TRIP11: variants seen among roughly 807,000 people sequenced by gnomAD.
TRIP11 encodes the protein thyroid hormone receptor interactor 11.
Under a neutral mutation model 223.1 loss-of-function variants are expected in TRIP11, and 148 were observed. That is an observed-to-expected ratio of 0.66 (90% CI 0.58 to 0.76). TRIP11 has a LOEUF of 0.76. Among genes scored for constraint, TRIP11 ranks in the 30% least tolerant of loss-of-function variants. The probability of loss-of-function intolerance (pLI) is 0.00; values close to 1 mark genes in which losing one functional copy is unlikely to be tolerated. For missense variants in TRIP11, 2,043 were observed against 2,222.0 expected (o/e 0.92, Z 1.62); for synonymous variants, 762 against 772.6 (o/e 0.99, Z 0.23).
At position 91,999,370 on chromosome 14, in the gene TRIP11, G is replaced by A; in HGVS notation, c.4762C>T (p.Leu1588Phe). ...GTATAAGAATCTTCTGATTCTAAAAGATGATTACGCAATCTCTCTAGCTCT... is the reference window on the plus strand; with the variant it reads ...GTATAAGAATCTTCTGATTCTAAAAAATGATTACGCAATCTCTCTAGCTCT... ...NQELERLRNH[L>F]LESEDSYTRE... Residue 1588 changes from leucine to phenylalanine, a missense_variant, in exon 13 of 21, where the codon CTT (leucine) becomes TTT (phenylalanine). Transcript: ENST00000267622. 3 of 1,613,888 alleles carry A rather than the reference G, an allele frequency of 1.9e-6. No homozygotes were observed. Among genetic ancestry groups the A allele is most frequent in the Non-Finnish European group, 2.5e-6 (3 of 1,179,902 alleles).
intron 5 of TRIP11, among the ~76,000 whole-genome samples, chr14:92,016,856 GTAA>G (rs1416827695): frequency 6.6e-6 from 1 of 152,114 alleles, no homozygotes; most frequent in East Asian, 1.9e-4. Flanking sequence ...CTCTAGTATT[GTAA>G]TAATAATGAA....
chr14:92,027,528 C>A (rs966732728), intron 2 of TRIP11, among the ~76,000 whole-genome samples: 10 of 151,770 alleles, frequency 6.6e-5, no homozygotes, highest in African/African-American at 2.4e-4. Flanking sequence ...TGTTGTCCAA[C>A]AATAAACAGG....
At chr14:92,009,915 C>A (rs1334883545) in intron 9 of TRIP11, among the ~76,000 whole-genome samples, 1 of 152,160 alleles carries the variant, frequency 6.6e-6, no homozygotes, top group African/African-American at 2.4e-5. Context: ...GGCCAAGCCA[C>A]AGAGGTACAA....
intron 2 of TRIP11, among the ~76,000 whole-genome samples, chr14:92,031,538 C>T (rs746909099): frequency 1.5e-4 from 23 of 152,112 alleles, no homozygotes; most frequent in Admixed American, 1.1e-3. Flanking sequence ...GACTGTGCCA[C>T]TGTATTCCAG....
rs779004649 is a variant in TRIP11, at chr14:92,004,592, G to A, written c.3384C>T (p.Ala1128=). The A allele has an allele frequency of 2.2e-5, 36 of 1,613,812 alleles. No homozygotes were observed. Among genetic ancestry groups the A allele is most frequent in the Non-Finnish European group, 3.0e-5 (35 of 1,180,012 alleles). Reference sequence around the variant, plus strand: ...GCAGTTTGATAAGAGCTGCTTCCTTGGCAGCAACAATATCCATCATTTTGT... The same window carrying A: ...GCAGTTTGATAAGAGCTGCTTCCTTAGCAGCAACAATATCCATCATTTTGT... ...EYHKMMDIVA[A]KEAALIKLQD... Residue 1128 remains alanine (A), a synonymous_variant, in exon 11 of 21, where the codon GCC becomes GCT. Transcript: ENST00000267622.
intron 3 of TRIP11, 116 bp from the exon 4 acceptor site, chr14:92,021,947 G>T: frequency 8.8e-7 from 1 of 1,130,506 alleles, no homozygotes. Flanking sequence ...ATCCAATGAT[G>T]GTCCTCTATC....
intron 14 of TRIP11, among the ~76,000 whole-genome samples, chr14:91,994,462 T>A (rs918425406): frequency 5.9e-5 from 9 of 152,112 alleles, no homozygotes; most frequent in Non-Finnish European, 1.3e-4. Context: ...CAGGCTGGTC[T>A]TGAACTCCTG....
rs1276477392 is a variant in TRIP11 at position 91,972,656 on chromosome 14, C to A, written c.5719+61G>T. The A allele has an allele frequency of 2.6e-6, 4 of 1,523,220 alleles. No individual in the cohort carries two copies. The African/African-American group carries it at 5.5e-5, about 21-fold the overall frequency. 94.4% of individuals were successfully genotyped at this position (1,523,220 alleles called of 1,614,324 possible). A position where few individuals can be genotyped will look rare whatever the true frequency, so the allele number is the denominator to read the frequency against. ...AAATTTAGTTAATATCACTGTGAAACATAATCATACATTAAACATTCAATT... is the reference window on the plus strand; with the variant it reads ...AAATTTAGTTAATATCACTGTGAAAAATAATCATACATTAAACATTCAATT... On this transcript the variant is annotated intron_variant, in intron 20 of 20. Transcript: ENST00000267622.
At chr14:92,026,539 T>C in intron 2 of TRIP11, 1 of 1,236,112 alleles carries the variant, frequency 8.1e-7, no homozygotes, top group Non-Finnish European at 1.2e-6. Context: ...TTTAATCCCC[T>C]GCATCGGATC....
chr14:91,969,196 C>T lies in TRIP11; in HGVS notation c.*477G>A. ...AGCAACAATCTTGTTGGCCTGTCTC[C>T]ACAAAGTCCTCTAAAGATGATCAAT... On this transcript the variant is annotated 3_prime_UTR_variant, in exon 21 of 21. Coordinates refer to ENST00000267622, the MANE Select transcript of TRIP11 (RefSeq NM_004239.4). The T allele has an allele frequency of 4.0e-6, 1 of 249,504 alleles. No individual in the cohort carries two copies. Among genetic ancestry groups the T allele is most frequent in the Non-Finnish European group, 7.8e-6 (1 of 127,534 alleles). The allele number at this position is 249,504 out of a possible 1,614,324, so 15.5% of individuals were successfully genotyped here. A position where few individuals can be genotyped will look rare whatever the true frequency, so the allele number is the denominator to read the frequency against.
chr14:92,012,574 G>C (rs1022141575), intron 7 of TRIP11, among the ~76,000 whole-genome samples: 5 of 152,318 alleles, frequency 3.3e-5, no homozygotes, highest in African/African-American at 1.2e-4. Context: ...GGCAGTGCTA[G>C]GTACTTCTCA....
In TRIP11 at chr14:92,018,049, G is replaced by A. The variant is rs137911222; in HGVS notation, c.589-299C>T. ...TTTACTTAGCTTGACAAAATGTAAG[G>A]GTAAAGATAATTGAGCAGCTTTCTA... On this transcript the variant is annotated intron_variant, in intron 4 of 20. Coordinates refer to ENST00000267622, the MANE Select transcript of TRIP11 (RefSeq NM_004239.4). Among the ~76,000 whole-genome samples the A allele has an allele frequency of 3.9e-3, 598 of 151,656 alleles. 6 individuals carry two copies. The highest frequency in any genetic ancestry group is 0.014 in the African/African-American group (561 of 41,414).
Position 91,969,785 on chromosome 14 carries a change from G to A in TRIP11, c.5828C>T (p.Pro1943Leu). The change falls in exon 21 of 21, where the codon CCC becomes CTC. Residue 1943 changes from proline to leucine, a missense_variant. Transcript: ENST00000267622. ...GATGGGTTTCAGAAGAAGATGCCCG[G>A]GCCCACCAGGTCCAAGTCCAGCTGG... Reference protein sequence around the residue: ...INPAGLGPGGPGHLLLKPISD... With the variant: ...INPAGLGPGGLGHLLLKPISD... 6.2e-7 allele frequency: 1 copy of A among 1,614,156 alleles called. No individual in the cohort carries two copies. Among genetic ancestry groups the A allele is most frequent in the Non-Finnish European group, 8.5e-7 (1 of 1,180,032 alleles).
At chr14:92,027,153 T>A (rs966902458) in intron 2 of TRIP11, among the ~76,000 whole-genome samples, 1 of 152,048 alleles carries the variant, frequency 6.6e-6, no homozygotes, top group Non-Finnish European at 1.5e-5. Context: ...TTGTATTTTT[T>A]ATTTTCATTT....
chr14:91,972,921 A>G lies in TRIP11; in HGVS notation c.5575-60T>C, dbSNP rs558523815. On this transcript the variant is annotated intron_variant, in intron 19 of 20. Coordinates refer to ENST00000267622, the MANE Select transcript of TRIP11 (RefSeq NM_004239.4). ...TAATTAAGTTATATTCACTACAACT[A>G]AGGAAATGTACCAGCTTTTCTAATT... is the stretch of plus-strand genomic sequence containing the variant. The G allele has an allele frequency of 3.7e-6, 5 of 1,348,436 alleles. No homozygotes were observed. The East Asian group carries it at 7.0e-5, about 19-fold the overall frequency. The allele number at this position is 1,348,436 out of a possible 1,614,324, so 83.5% of individuals were successfully genotyped here.
intron 19 of TRIP11, 43 bp from the exon 20 acceptor site, chr14:91,972,904 T>C (rs2056417109): frequency 6.8e-7 from 1 of 1,480,788 alleles, no homozygotes; most frequent in East Asian, 2.3e-5. Flanking sequence ...GATAATTAAG[T>C]TATATTCACT....
At chr14:92,031,463 G>C (rs1473006237) in intron 2 of TRIP11, among the ~76,000 whole-genome samples, 1 of 152,142 alleles carries the variant, frequency 6.6e-6, no homozygotes, top group African/African-American at 2.4e-5. Flanking sequence ...TGTGGTACCA[G>C]CTACTCAAGA....
intron 15 of TRIP11, among the ~76,000 whole-genome samples, chr14:91,991,663 A>G (rs926101712): frequency 6.6e-6 from 1 of 152,224 alleles, no homozygotes; most frequent in African/African-American, 2.4e-5. Context: ...AATACCCTTT[A>G]TTAATAAAAT....
intron 2 of TRIP11, among the ~76,000 whole-genome samples, chr14:92,032,056 T>A (rs1331195095): frequency 6.6e-6 from 1 of 152,020 alleles, no homozygotes; most frequent in East Asian, 1.9e-4. Flanking sequence ...CACCTCCACC[T>A]CCCAAAGCGC....
Sources: gnomAD v4.1 joint callset for allele counts (sites outside exome capture counted in the v4.1 genomes callset) on GRCh38, gnomAD v4.1.1 for gene constraint, MANE v1.5 for transcripts, NCBI Gene and HGNC (gene_info 2026-07-23, HGNC 2026-07-21) for gene names.